Variants in ZSCAN5A observed in about 807,000 individuals in gnomAD.
ZSCAN5A encodes zinc finger and SCAN domain-containing protein 5A.
Under a neutral mutation model 23.7 loss-of-function variants are expected in ZSCAN5A, and 12 were observed. The ratio of observed to expected loss-of-function variants is 0.51; its 90% confidence interval spans 0.32 to 0.82. The LOEUF (loss-of-function observed/expected upper bound fraction) is 0.82, where lower values mean the gene tolerates loss of function less well. ZSCAN5A is among the 40% of genes least tolerant of loss of function. ZSCAN5A has a pLI of 0.03. For missense variants in ZSCAN5A, 597 were observed against 617.9 expected (o/e 0.97, Z 0.36); for synonymous variants, 257 against 239.9 (o/e 1.07, Z -0.66).
At chr19:56,273,328 C>A (rs780865746) in intron 2 of ZSCAN5A, among the ~76,000 whole-genome samples, 8 of 152,160 alleles carry the variant, frequency 5.3e-5, no homozygotes, top group Non-Finnish European at 1.0e-4. Context: ...CAGACTTTTG[C>A]GACGTAAAGA....
chr19:56,331,895 A>G (rs1329804582), intron 2 of ZSCAN5A, among the ~76,000 whole-genome samples: 2 of 151,942 alleles, frequency 1.3e-5, no homozygotes, highest in Non-Finnish European at 1.5e-5. Context: ...CTAGTATTTC[A>G]AAGAATTTTT....
At chr19:56,319,283 G>A (rs2041349313), upstream of ZSCAN5A, among the ~76,000 whole-genome samples, 1 of 151,932 alleles carries the variant, frequency 6.6e-6, no homozygotes, top group South Asian at 2.1e-4. Context: ...GGATCACGAG[G>A]TCAGGAGTTT....
Position 56,223,851 on chromosome 19 carries a change from G to A in ZSCAN5A, c.385-17C>T, listed in dbSNP as rs2033601191. On this transcript the variant is annotated splice_polypyrimidine_tract_variant and intron_variant, in intron 3 of 5. Coordinates refer to ENST00000683990, the MANE Select transcript of ZSCAN5A (RefSeq NM_001322064.3). ...GACCACAGACTGTAGAGAGAAAAAA[G>A]ACAATCAGACTCACCATGAGAACCT... 6.2e-7 allele frequency: 1 copy of A among 1,602,470 alleles called. No homozygotes were observed. Among genetic ancestry groups the A allele is most frequent in the Admixed American group, 1.7e-5 (1 of 59,816 alleles).
intron 2 of ZSCAN5A, among the ~76,000 whole-genome samples, chr19:56,265,097 G>A (rs781368929): frequency 2.3e-4 from 35 of 152,140 alleles, no homozygotes; most frequent in Non-Finnish European, 1.3e-4. Flanking sequence ...ACTCCAGCCC[G>A]GGTGACAGAG....
intron 2 of ZSCAN5A, chr19:56,342,826 C>T (rs1008083447): frequency 1.2e-6 from 1 of 811,202 alleles, no homozygotes; most frequent in African/African-American, 1.7e-5. Flanking sequence ...TTTCCTAAGA[C>T]ATCTTCCTCT....
rs902547969 is a variant in ZSCAN5A at position 56,221,403 on chromosome 19, C to T, written c.*172G>A. Reference sequence around the variant, plus strand: ...ACAATGGACATAATGAAACAGAAAACAAAGCTCAGTGGGGAGGACACATAT... The same window carrying T: ...ACAATGGACATAATGAAACAGAAAATAAAGCTCAGTGGGGAGGACACATAT... On this transcript the variant is annotated 3_prime_UTR_variant, in exon 6 of 6. Coordinates refer to ENST00000683990, the MANE Select transcript of ZSCAN5A (RefSeq NM_001322064.3). 1.1e-4 allele frequency: 78 copies of T among 683,428 alleles called. No individual in the cohort carries two copies. Among genetic ancestry groups the T allele is most frequent in the Non-Finnish European group, 1.4e-4 (60 of 436,684 alleles). The allele number at this position is 683,428 out of a possible 1,614,324, so 42.3% of individuals were successfully genotyped here.
intron 2 of ZSCAN5A, among the ~76,000 whole-genome samples, chr19:56,243,178 A>G (rs188136046): frequency 2.2e-5 from 3 of 137,728 alleles, no homozygotes; most frequent in African/African-American, 8.0e-5. Flanking sequence ...AGAAACCCTT[A>G]GAGACAGAAG....
rs80159303 is a variant in ZSCAN5A at position 56,333,006 on chromosome 19, A to G, written c.-357-16738T>C. Among the ~76,000 whole-genome samples the G allele has an allele frequency of 9.7e-3, 1,472 of 152,234 alleles. 31 individuals carry two copies. The highest frequency in any genetic ancestry group is 0.034 in the African/African-American group (1,402 of 41,540). ...GGCCTTCAATCCCTTCCAGCTTGCA[A>G]GGTTTCTGCTGAGAAGTCTGCTGTT... On this transcript the variant is annotated intron_variant, in intron 2 of 6. Transcript: ENST00000587340.
In ZSCAN5A at chr19:56,222,043, TGG is replaced by T. The variant is rs1568601473; in HGVS notation, c.1021_1022del (p.Pro341SerfsTer18). 3 of 1,614,094 alleles carry T rather than the reference TGG, an allele frequency of 1.9e-6. No individual in the cohort carries two copies. The African/African-American group carries it at 4.0e-5, about 22-fold the overall frequency. The stretch of plus-strand genomic sequence containing the variant: ...CTTCTTGGCCATCCGGGTGACTGAC[TGG>T]GCTCGCAGGGCCTGGGGAATGAATT... ...NSIHSPGPAS[P>X]VSHPDGQEAK... On this transcript the variant is annotated frameshift_variant, in exon 6 of 6. Transcript: ENST00000683990. LOFTEE classifies it low-confidence loss of function (END_TRUNC).
intron 2 of ZSCAN5A, among the ~76,000 whole-genome samples, chr19:56,273,959 C>T (rs181876173): frequency 6.6e-6 from 1 of 152,190 alleles, no homozygotes; most frequent in African/African-American, 2.4e-5. Flanking sequence ...GGGGCAAACA[C>T]ACAAGTTAGA....
At chr19:56,362,350 T>C (rs912883871) in intron 2 of ZSCAN5A, among the ~76,000 whole-genome samples, 26 of 151,320 alleles carry the variant, frequency 1.7e-4, no homozygotes, top group African/African-American at 6.1e-4. Context: ...GCAGATCACC[T>C]GAGGTCAGGG....
At position 56,355,447 on chromosome 19, in the gene ZSCAN5A, A is replaced by C. The variant is rs556895419; in HGVS notation, c.-358+7788T>G. Among the ~76,000 whole-genome samples the C allele has an allele frequency of 6.0e-5, 9 of 148,846 alleles. 1 individual carries two copies. The highest frequency in any genetic ancestry group is 1.2e-4 in the Non-Finnish European group (8 of 67,264). On this transcript the variant is annotated intron_variant, in intron 2 of 6. Coordinates refer to the ZSCAN5A transcript ENST00000587340. ...TTTACTGTATACTCCATGATTTTGA[A>C]GATCATGTCAATTTTTTTCCCAATT...
rs1284918666 is a variant in ZSCAN5A at position 56,284,204 on chromosome 19, T to C, written c.-128+29079A>G. ...CTGGATGGGCTGCCATCAGGGATCA[T>C]AGGTAAGTACCTTGCCACTTCACAA... On this transcript the variant is annotated intron_variant, in intron 2 of 5. Transcript: ENST00000683990. 5.1e-6 allele frequency: 5 copies of C among 985,074 alleles called. No individual in the cohort carries two copies. The African/African-American group carries it at 5.3e-5, about 10-fold the overall frequency. The allele number at this position is 985,074 out of a possible 1,614,324, so 61.0% of individuals were successfully genotyped here.
At chr19:56,259,901 A>G (rs1383874379) in intron 2 of ZSCAN5A, among the ~76,000 whole-genome samples, 1 of 152,234 alleles carries the variant, frequency 6.6e-6, no homozygotes, top group East Asian at 1.9e-4. Flanking sequence ...TAAGCCAGGG[A>G]AGTCGAGGCT....
intron 2 of ZSCAN5A, among the ~76,000 whole-genome samples, chr19:56,297,271 C>T (rs1286912881): frequency 1.3e-5 from 2 of 152,000 alleles, no homozygotes; most frequent in African/African-American, 4.8e-5. Flanking sequence ...TCTCCTCATT[C>T]GAGGCACCTG....
In ZSCAN5A at chr19:56,292,512, T is replaced by G. The variant is rs78527359; in HGVS notation, c.-128+20771A>C. Among the ~76,000 whole-genome samples the G allele has an allele frequency of 6.0e-3, 907 of 150,662 alleles. 5 individuals are homozygous for G. Among genetic ancestry groups the G allele is most frequent in the African/African-American group, 0.02 (816 of 41,102 alleles). On this transcript the variant is annotated intron_variant, in intron 2 of 5. Coordinates refer to ENST00000683990, the MANE Select transcript of ZSCAN5A (RefSeq NM_001322064.3). ...TTTGTTGCCAAGGCTGGTCTTCAAT[T>G]CCGGGGCTCAAGCAATCCTCCTACC...
intron 2 of ZSCAN5A, among the ~76,000 whole-genome samples, chr19:56,335,435 T>G (rs944071149): frequency 6.6e-6 from 1 of 152,160 alleles, no homozygotes; most frequent in Admixed American, 6.5e-5. Flanking sequence ...TCCATTTGCT[T>G]GGTAGATCTT....
At chr19:56,238,525 A>G (rs2035171564) in intron 2 of ZSCAN5A, among the ~76,000 whole-genome samples, 1 of 149,174 alleles carries the variant, frequency 6.7e-6, no homozygotes, top group Non-Finnish European at 1.5e-5. Flanking sequence ...CCAGATACTC[A>G]CTCAGGAGGC....
chr19:56,224,959 C>G lies in ZSCAN5A; in HGVS notation c.88G>C (p.Glu30Gln). Residue 30 changes from glutamate (E) to glutamine (Q), a missense_variant, in exon 3 of 6, where the codon GAA (glutamate) becomes CAA (glutamine). Physicochemically the swap from Glu to Gln is conservative, Grantham distance 29. Coordinates refer to ENST00000683990, the MANE Select transcript of ZSCAN5A (RefSeq NM_001322064.3). ...LELPRSMASS[E>Q]TQLGNHDVDP... ...ACGTCGTGATTTCCAAGTTGAGTTT[C>G]TGAGGATGCCATAGACCGTGGCAGC... is the stretch of plus-strand genomic sequence containing the variant. 1 of 1,614,230 alleles carries G rather than the reference C, an allele frequency of 6.2e-7. No homozygotes were observed. Among genetic ancestry groups the G allele is most frequent in the Non-Finnish European group, 8.5e-7 (1 of 1,180,052 alleles).
Sources: allele counts gnomAD v4.1 joint callset (sites outside exome capture counted in the v4.1 genomes callset), GRCh38; gene constraint gnomAD v4.1.1; transcripts MANE v1.5; gene names NCBI Gene and HGNC (gene_info 2026-07-23, HGNC 2026-07-21).